Variants in DGKB observed in about 807,000 individuals in gnomAD.
DGKB encodes the protein diacylglycerol kinase beta.
In DGKB, 67 loss-of-function variants were observed where a neutral mutation model predicts 114.3. The observed-to-expected ratio is 0.59, with a 90% CI of 0.48 to 0.72. The LOEUF (loss-of-function observed/expected upper bound fraction) is 0.72. Among genes scored for constraint, DGKB ranks in the 30% least tolerant of loss-of-function variants. The pLI is 0.00. For missense variants in DGKB, 907 were observed against 975.2 expected (o/e 0.93, Z 0.93); for synonymous variants, 398 against 323.1 (o/e 1.23, Z -2.49).
At chr7:14,580,986 T>G in intron 18 of DGKB, 35 bp from the exon 19 acceptor site, 5 of 1,489,054 alleles carry the variant, frequency 3.4e-6, no homozygotes, top group South Asian at 1.3e-5. Context: ...TAAAGAAAAT[T>G]TTAAGTTCAG....
chr7:14,809,131 A>T (rs1204872970), intron 2 of DGKB, among the ~76,000 whole-genome samples: 2 of 152,180 alleles, frequency 1.3e-5, no homozygotes, highest in East Asian at 1.9e-4. Flanking sequence ...AAACAAGTTT[A>T]AAAAAGCAAC....
At chr7:14,673,926 A>G (rs1585549311) in intron 12 of DGKB, among the ~76,000 whole-genome samples, 1 of 152,158 alleles carries the variant, frequency 6.6e-6, no homozygotes, top group Middle Eastern at 3.5e-3. Flanking sequence ...AACAAAAAAG[A>G]GCCACATTAT....
At chr7:14,218,805 T>A (rs1789442860) in intron 23 of DGKB, among the ~76,000 whole-genome samples, 1 of 151,994 alleles carries the variant, frequency 6.6e-6, no homozygotes, top group South Asian at 2.1e-4. Flanking sequence ...CAGTTTTTTT[T>A]AGTATATTCA....
At chr7:14,314,492 G>A (rs1171069672) in intron 23 of DGKB, among the ~76,000 whole-genome samples, 14 of 151,934 alleles carry the variant, frequency 9.2e-5, no homozygotes, top group Non-Finnish European at 1.8e-4. Flanking sequence ...AATGCAGAAG[G>A]CTCAGGAGCC....
intron 21 of DGKB, among the ~76,000 whole-genome samples, chr7:14,374,431 C>T (rs912864681): frequency 1.3e-5 from 2 of 152,184 alleles, no homozygotes; most frequent in African/African-American, 2.4e-5. Context: ...GCATTAGCAT[C>T]TCTCTTTGCA....
At chr7:14,811,470 G>C (rs1428707107) in intron 2 of DGKB, among the ~76,000 whole-genome samples, 3 of 151,848 alleles carry the variant, frequency 2.0e-5, no homozygotes, top group Non-Finnish European at 4.4e-5. Flanking sequence ...TTTAAACATT[G>C]GCTTTTCTAG....
Position 14,565,241 on chromosome 7 carries a change from G to A in DGKB, c.1770+8971C>T, listed in dbSNP as rs1797221861. 2.6e-5 allele frequency among the ~76,000 whole-genome samples: 4 copies of A among 152,208 alleles called. No individual in the cohort carries two copies. The South Asian group carries it at 8.3e-4, about 32-fold the overall frequency. On this transcript the variant is annotated intron_variant, in intron 20 of 25. Coordinates refer to ENST00000402815, the MANE Select transcript of DGKB (RefSeq NM_001350709.2). ...TGGCTTAACCTGTTGGATGCTGGGAGTCATATGGCCCATTATCATCATCAG... is the reference window on the plus strand; with the variant it reads ...TGGCTTAACCTGTTGGATGCTGGGAATCATATGGCCCATTATCATCATCAG...
chr7:14,598,589 T>C (rs191648557), intron 17 of DGKB, among the ~76,000 whole-genome samples: 40 of 152,336 alleles, frequency 2.6e-4, no homozygotes, highest in South Asian at 4.1e-4. Context: ...ACACAGATTA[T>C]GTATTCATCA....
intron 21 of DGKB, among the ~76,000 whole-genome samples, chr7:14,392,995 G>GTTTTGCTTTTTTTTTTT (rs1554404749): frequency 3.3e-5 from 2 of 60,546 alleles, no homozygotes; most frequent in African/African-American, 9.7e-5. Flanking sequence ...TTTTGTTTTT[G>GTTTTGCTTTTTTTTTTT]TTTTTTTTTT....
At chr7:14,960,075 G>C (rs1472608445) in intron 1 of DGKB, among the ~76,000 whole-genome samples, 1 of 151,786 alleles carries the variant, frequency 6.6e-6, no homozygotes, top group African/African-American at 2.4e-5. Flanking sequence ...ATACAAATTA[G>C]AAATGTACCT....
Position 14,345,282 on chromosome 7 carries a change from G to T in DGKB, c.1926+19C>A, listed in dbSNP as rs201905188. ...AGCCATTTCATCATATTACAAAAGAGAATTCATTTTTTTCTTACTTCTATT... is the reference window on the plus strand; with the variant it reads ...AGCCATTTCATCATATTACAAAAGATAATTCATTTTTTTCTTACTTCTATT... On this transcript the variant is annotated intron_variant, in intron 22 of 25. Transcript: ENST00000402815. 5 of 1,400,584 alleles carry T rather than the reference G, an allele frequency of 3.6e-6. No individual in the cohort carries two copies. The highest frequency in any genetic ancestry group is 1.4e-5 in the African/African-American group (1 of 69,268). 86.8% of individuals were successfully genotyped at this position (1,400,584 alleles called of 1,614,324 possible).
chr7:14,526,299 A>T (rs1790632946), intron 20 of DGKB, among the ~76,000 whole-genome samples: 1 of 152,164 alleles, frequency 6.6e-6, no homozygotes, highest in African/African-American at 2.4e-5. Context: ...GTTTGGCAAT[A>T]TCCCTGGTCT....
At chr7:14,224,254 T>C (rs1310965631) in intron 23 of DGKB, among the ~76,000 whole-genome samples, 2 of 152,110 alleles carry the variant, frequency 1.3e-5, no homozygotes, top group Middle Eastern at 3.4e-3. Context: ...TTTCAAGTCA[T>C]TAATTATTTC....
chr7:14,718,504 C>G, intron 6 of DGKB, 38 bp downstream of exon 6: 19 of 1,574,154 alleles, frequency 1.2e-5, no homozygotes, highest in Non-Finnish European at 1.6e-5. Flanking sequence ...TCTCCTGCCC[C>G]CAATCACGAT....
intron 17 of DGKB, among the ~76,000 whole-genome samples, chr7:14,602,965 T>C (rs2128768494): frequency 1.3e-5 from 2 of 152,270 alleles, no homozygotes; most frequent in Non-Finnish European, 2.9e-5. Flanking sequence ...GTGAGATAGA[T>C]AATAAAAGCT....
intron 21 of DGKB, among the ~76,000 whole-genome samples, chr7:14,358,355 T>C (rs184540937): frequency 7.9e-5 from 12 of 152,318 alleles, no homozygotes; most frequent in African/African-American, 2.9e-4. Context: ...CAATCACCGA[T>C]ACCCTTTCTT....
chr7:14,489,634 A>G (rs1039953868), intron 20 of DGKB, among the ~76,000 whole-genome samples: 2 of 152,190 alleles, frequency 1.3e-5, no homozygotes, highest in African/African-American at 4.8e-5. Flanking sequence ...TAATTTTGCA[A>G]AATAAATCCA....
chr7:14,288,670 C>G (rs1453136664), intron 23 of DGKB, among the ~76,000 whole-genome samples: 3 of 152,152 alleles, frequency 2.0e-5, no homozygotes, highest in Non-Finnish European at 4.4e-5. Context: ...ATCATTTTGT[C>G]CTTGTAGAGT....
At chr7:14,233,095 G>T (rs1230816388) in intron 23 of DGKB, among the ~76,000 whole-genome samples, 2 of 152,040 alleles carry the variant, frequency 1.3e-5, no homozygotes, top group Non-Finnish European at 2.9e-5. Flanking sequence ...ATTTCTTGAG[G>T]TGTCTTGGCT....
Sources: allele counts gnomAD v4.1 joint callset (sites outside exome capture counted in the v4.1 genomes callset), GRCh38; gene constraint gnomAD v4.1.1; transcripts MANE v1.5; gene names NCBI Gene and HGNC (gene_info 2026-07-23, HGNC 2026-07-21).